Variants in RYR2 observed in about 807,000 individuals in gnomAD.
The protein encoded by RYR2 is ryanodine receptor 2.
A neutral mutation model predicts 601.1 loss-of-function variants in RYR2; 227 were observed. The observed-to-expected ratio is 0.38, with a 90% CI of 0.34 to 0.42. The LOEUF (loss-of-function observed/expected upper bound fraction) is 0.42, where lower values mean the gene tolerates loss of function less well. Among genes scored for constraint, RYR2 ranks in the 10% least tolerant of loss-of-function variants. RYR2 has a pLI of 1.00. For missense variants in RYR2, 4,646 were observed against 6,156.5 expected, an observed-to-expected ratio of 0.75 and a Z score of 8.21; for synonymous variants, 2,223 against 2,175.1, an observed-to-expected ratio of 1.02 and a Z score of -0.61.
chr1:237,457,940 C>T (rs1659032518), intron 16 of RYR2, among the ~76,000 whole-genome samples: 2 of 152,062 alleles, frequency 1.3e-5, no homozygotes, highest in African/African-American at 4.8e-5. Flanking sequence ...ACCTTGTTGT[C>T]CCGGTATATG....
chr1:237,643,485 G>T, intron 48 of RYR2, 38 bp downstream of exon 48: 1 of 1,612,692 alleles, frequency 6.2e-7, no homozygotes, highest in Non-Finnish European at 8.5e-7. Flanking sequence ...TCAGTAGGAT[G>T]TTGGATGACA....
In RYR2 at chr1:237,580,155, C is replaced by CTTTTT. The variant is rs58145628; in HGVS notation, c.3599-9625_3599-9621dup. ...AGAGCCACGTGAAATCACAACAATTCTTTTTTTTTTTTTTTTTGAGACGGA... is the reference window on the plus strand; with the variant it reads ...AGAGCCACGTGAAATCACAACAATTCTTTTTTTTTTTTTTTTTTTTTTGAGACGGA... On this transcript the variant is annotated intron_variant, in intron 29 of 104. Transcript: ENST00000366574. Among the ~76,000 whole-genome samples, 4 of 116,602 alleles carry CTTTTT rather than the reference C, an allele frequency of 3.4e-5. 1 individual carries two copies. The highest frequency in any genetic ancestry group is 3.3e-5 in the African/African-American group (1 of 30,218). The allele number at this position is 116,602 out of a possible 152,430, so 76.5% of individuals were successfully genotyped here.
chr1:237,259,558 CGTCACCTTG>C (rs1385999819), intron 1 of RYR2, among the ~76,000 whole-genome samples: 4 of 148,996 alleles, frequency 2.7e-5, no homozygotes, highest in African/African-American at 9.9e-5. Flanking sequence ...GAGAGACTAC[CGTCACCTTG>C]TATAAAACCA....
chr1:237,787,926 A>T, intron 91 of RYR2, 62 bp from the exon 92 acceptor site: 2 of 1,486,414 alleles, frequency 1.3e-6, no homozygotes, highest in Non-Finnish European at 1.8e-6. Context: ...GTAATTTTCC[A>T]CAACACCCGT....
intron 3 of RYR2, among the ~76,000 whole-genome samples, chr1:237,351,844 A>G (rs1698867694): frequency 6.8e-6 from 1 of 146,978 alleles, no homozygotes; most frequent in Non-Finnish European, 1.5e-5. Context: ...AAACTATGAC[A>G]AAGACCATGC....
chr1:237,083,413 C>G (rs1002665685), intron 1 of RYR2, among the ~76,000 whole-genome samples: 1 of 152,108 alleles, frequency 6.6e-6, no homozygotes, highest in Admixed American at 6.5e-5. Flanking sequence ...GCCTTTCACT[C>G]GGGGATCTCA....
chr1:237,734,757 A>G (rs1690991983), intron 79 of RYR2, among the ~76,000 whole-genome samples: 1 of 152,172 alleles, frequency 6.6e-6, no homozygotes, highest in Non-Finnish European at 1.5e-5. Context: ...GGGTGAAGAG[A>G]GAAGAAGGCA....
chr1:237,792,380 T>TGTGTGTGTGC, intron 94 of RYR2, 57 bp downstream of exon 94: 1 of 838,190 alleles, frequency 1.2e-6, no homozygotes, highest in East Asian at 2.8e-5. Flanking sequence ...TGTGTGTGTG[T>TGTGTGTGTGC]GCGTGTGTGT....
intron 1 of RYR2, among the ~76,000 whole-genome samples, chr1:237,086,980 T>C (rs1248389763): frequency 6.6e-6 from 1 of 152,212 alleles, no homozygotes; most frequent in Non-Finnish European, 1.5e-5. Context: ...TATAGTGTTA[T>C]GGCTTGTTGT....
chr1:237,651,565 A>G lies in RYR2; in HGVS notation c.7824+64A>G, dbSNP rs1367739021. 1.4e-5 allele frequency: 14 copies of G among 1,019,440 alleles called. No homozygotes were observed. In the Admixed American group the frequency reaches 3.1e-4, roughly 23 times the overall value. The allele number at this position is 1,019,440 out of a possible 1,614,324, so 63.1% of individuals were successfully genotyped here. A position where few individuals can be genotyped will look rare whatever the true frequency, so the allele number is the denominator to read the frequency against. ...CTTCTCTGACTTTATTTTCTATGAC[A>G]ACATATACATTTCTTAGATACATCA... On this transcript the variant is annotated intron_variant, in intron 51 of 104. Coordinates refer to ENST00000366574, the MANE Select transcript of RYR2 (RefSeq NM_001035.3).
intron 1 of RYR2, among the ~76,000 whole-genome samples, chr1:237,073,852 CAG>C (rs1418175894): frequency 9.1e-6 from 1 of 110,284 alleles, no homozygotes; most frequent in Non-Finnish European, 1.7e-5. Context: ...GCCTGGGCGA[CAG>C]AGACTCCATC....
chr1:237,654,510 G>A, intron 52 of RYR2, 96 bp downstream of exon 52: 3 of 1,250,462 alleles, frequency 2.4e-6, no homozygotes, highest in Non-Finnish European at 3.3e-6. Context: ...TACTATCTTT[G>A]CTAACCAAGA....
intron 47 of RYR2, among the ~76,000 whole-genome samples, chr1:237,641,467 G>GTCTTTCTTTCTTTCTTTCTTTCTT (rs1490727758): frequency 9.4e-5 from 11 of 117,264 alleles, no homozygotes; most frequent in African/African-American, 3.6e-4. Flanking sequence ...ATTAGTGTCT[G>GTCTTTCTTTCTTTCTTTCTTTCTT]TCTGTCTTTC....
intron 40 of RYR2, among the ~76,000 whole-genome samples, chr1:237,626,820 C>T (rs943556810): frequency 6.6e-6 from 1 of 151,750 alleles, no homozygotes. Flanking sequence ...GCAATCCATC[C>T]ACCTCAGATT....
Position 237,500,841 on chromosome 1 carries a change from G to GA in RYR2, c.2334_2335insA (p.Phe779IlefsTer2). 6.2e-7 allele frequency: 1 copy of GA among 1,614,046 alleles called. No individual in the cohort carries two copies. Among genetic ancestry groups the GA allele is most frequent in the Non-Finnish European group, 8.5e-7 (1 of 1,179,892 alleles). Reference sequence around the variant, plus strand: ...TTAATGGACAACCTGTTCAAGGAATGTTTGAGAATTTCAACATCGATGGCC... The same window carrying GA: ...TTAATGGACAACCTGTTCAAGGAATGATTTGAGAATTTCAACATCGATGGCC... On this transcript the variant is annotated frameshift_variant, in exon 21 of 105. Coordinates refer to ENST00000366574, the MANE Select transcript of RYR2 (RefSeq NM_001035.3). LOFTEE classifies it high-confidence loss of function.
chr1:237,084,933 G>A (rs925057941), intron 1 of RYR2, among the ~76,000 whole-genome samples: 3 of 152,198 alleles, frequency 2.0e-5, no homozygotes, highest in African/African-American at 7.2e-5. Context: ...TAACCTTGCC[G>A]ACAGAGCTGT....
At position 237,106,649 on chromosome 1, in the gene RYR2, T is replaced by TGA. The variant is rs1668713166; in HGVS notation, c.48+64081_48+64082dup. 1.3e-5 allele frequency among the ~76,000 whole-genome samples: 2 copies of TGA among 152,184 alleles called. No individual in the cohort carries two copies. The highest frequency in any genetic ancestry group is 4.8e-5 in the African/African-American group (2 of 41,430). The stretch of plus-strand genomic sequence containing the variant: ...CCTTGAAAAAATGGATTTCTCAGTG[T>TGA]GATGTGTATACAGTGTCCCTTTTTC... On this transcript the variant is annotated intron_variant, in intron 1 of 104. Transcript: ENST00000366574. This position sits in a 1 kb window ranked among gnomAD's most constrained non-coding sequence, Gnocchi z 4.4.
intron 1 of RYR2, among the ~76,000 whole-genome samples, chr1:237,158,043 G>A (rs1037442590): frequency 6.6e-6 from 1 of 152,136 alleles, no homozygotes; most frequent in Non-Finnish European, 1.5e-5. Context: ...TAATAAAATT[G>A]TAAAAACCCT....
At chr1:237,369,689 C>G in intron 6 of RYR2, 81 bp downstream of exon 6, 1 of 1,095,478 alleles carries the variant, frequency 9.1e-7, no homozygotes. Flanking sequence ...CTGGTAGCAT[C>G]ATTTCTGCAA....
Sources: allele counts gnomAD v4.1 joint callset (sites outside exome capture counted in the v4.1 genomes callset), GRCh38; gene constraint gnomAD v4.1.1; non-coding constraint Gnocchi (gnomAD v3.1); transcripts MANE v1.5; gene names NCBI Gene and HGNC (gene_info 2026-07-23, HGNC 2026-07-21).